BCAR3: variants seen among roughly 807,000 people sequenced by gnomAD.
The protein encoded by BCAR3 is breast cancer anti-estrogen resistance protein 3.
A neutral mutation model predicts 80.1 loss-of-function variants in BCAR3; 37 were observed. The observed-to-expected ratio is 0.46, with a 90% CI of 0.36 to 0.61. BCAR3 has a LOEUF of 0.61. BCAR3 is among the 20% of genes least tolerant of loss of function. The pLI, the probability that BCAR3 is intolerant of heterozygous loss-of-function variation, is 0.00. For synonymous variants in BCAR3, 389 were observed against 418.9 expected, an observed-to-expected ratio of 0.93 and a Z score of 0.87; for missense variants, 978 against 1,068.2, an observed-to-expected ratio of 0.92 and a Z score of 1.18.
intron 3 of BCAR3, chr1:93,613,890 G>A (rs1402229631): frequency 1.3e-6 from 2 of 1,550,586 alleles, no homozygotes; most frequent in African/African-American, 1.4e-5. Flanking sequence ...GCAGCACAGA[G>A]CTGCTGAGAG....
intron 3 of BCAR3, among the ~76,000 whole-genome samples, chr1:93,595,048 TAAGAG>T (rs893918956): frequency 1.3e-5 from 2 of 152,194 alleles, no homozygotes; most frequent in Non-Finnish European, 1.5e-5. Flanking sequence ...TCCTAATTCC[TAAGAG>T]AAGAACAGGA....
rs768510746 is a variant in BCAR3 at position 93,562,383 on chromosome 1, T to C, written c.2336A>G (p.Lys779Arg). Reference protein sequence around the residue: ...QPDEEMNEICKTEFQMRLLWG... With the variant: ...QPDEEMNEICRTEFQMRLLWG... ...TAGCAATCGCATTTGAAATTCAGTC[T>C]TGCAGATTTCATTCATTTCTTCATC... is the stretch of plus-strand genomic sequence containing the variant. Residue 779 changes from lysine (K) to arginine (R), a missense_variant, in exon 12 of 12, where the codon AAG (lysine) becomes AGG (arginine). Physicochemically the swap from Lys to Arg is conservative, Grantham distance 26. Coordinates refer to ENST00000260502, the MANE Select transcript of BCAR3 (RefSeq NM_003567.4). 12 of 1,614,070 alleles carry C rather than the reference T, an allele frequency of 7.4e-6. No homozygotes were observed. Among genetic ancestry groups the C allele is most frequent in the Non-Finnish European group, 5.1e-6 (6 of 1,179,976 alleles).
At chr1:93,638,547 G>A (rs904533001) in intron 3 of BCAR3, among the ~76,000 whole-genome samples, 6 of 151,992 alleles carry the variant, frequency 3.9e-5, no homozygotes, top group Non-Finnish European at 8.8e-5. Flanking sequence ...TTTGCCTAGG[G>A]TTATTGGCTC....
intron 2 of BCAR3, among the ~76,000 whole-genome samples, chr1:93,820,416 C>CT (rs1654170426): frequency 6.6e-6 from 1 of 152,218 alleles, no homozygotes; most frequent in African/African-American, 2.4e-5. Flanking sequence ...TCCTGTATTC[C>CT]TGACTGACCA....
At chr1:93,797,376 C>A (rs1278274754) in intron 2 of BCAR3, among the ~76,000 whole-genome samples, 1 of 152,128 alleles carries the variant, frequency 6.6e-6, no homozygotes, top group Non-Finnish European at 1.5e-5. Flanking sequence ...CTCAACTTGT[C>A]TTAATGTCCC....
chr1:93,607,331 T>C (rs1015811105), intron 3 of BCAR3, among the ~76,000 whole-genome samples: 1 of 152,056 alleles, frequency 6.6e-6, no homozygotes, highest in African/African-American at 2.4e-5. Flanking sequence ...GTTTTTAACA[T>C]GGGAAAGACC....
intron 2 of BCAR3, among the ~76,000 whole-genome samples, chr1:93,645,523 A>C (rs935754416): frequency 1.3e-5 from 2 of 151,252 alleles, no homozygotes; most frequent in African/African-American, 4.8e-5. Context: ...ATCTGCTGTT[A>C]CTTTTCCACT....
chr1:93,800,402 T>C (rs1653434990), intron 2 of BCAR3, among the ~76,000 whole-genome samples: 1 of 152,022 alleles, frequency 6.6e-6, no homozygotes. Flanking sequence ...GGTGAAACCC[T>C]GTCTCTATTA....
intron 3 of BCAR3, among the ~76,000 whole-genome samples, chr1:93,615,796 G>A (rs1173316286): frequency 1.3e-5 from 2 of 152,154 alleles, no homozygotes; most frequent in African/African-American, 2.4e-5. Context: ...CAGGCCATTA[G>A]CCACCACAGA....
chr1:93,825,947 G>C (rs1394882206), intron 2 of BCAR3, among the ~76,000 whole-genome samples: 1 of 152,168 alleles, frequency 6.6e-6, no homozygotes, highest in South Asian at 2.1e-4. Context: ...TTCTGGTTTG[G>C]AGCTAGATTC....
chr1:93,622,232 T>C (rs1216265525), intron 3 of BCAR3, among the ~76,000 whole-genome samples: 1 of 152,194 alleles, frequency 6.6e-6, no homozygotes, highest in Non-Finnish European at 1.5e-5. Flanking sequence ...ACTTTTACCA[T>C]GGTGTCCTAT....
upstream of BCAR3, among the ~76,000 whole-genome samples, chr1:93,683,513 G>A (rs1648872430): frequency 6.6e-6 from 1 of 152,134 alleles, no homozygotes; most frequent in African/African-American, 2.4e-5. Context: ...TGTTTATAAT[G>A]TATCTCTTTA....
intron 2 of BCAR3, among the ~76,000 whole-genome samples, chr1:93,819,159 C>A (rs1217597087): frequency 6.6e-6 from 1 of 151,796 alleles, no homozygotes; most frequent in East Asian, 1.9e-4. Context: ...CTCCGCCTCC[C>A]CGGTTCAAGC....
chr1:93,680,460 G>A (rs913592635), intron 1 of BCAR3, among the ~76,000 whole-genome samples: 1 of 152,076 alleles, frequency 6.6e-6, no homozygotes, highest in African/African-American at 2.4e-5. Context: ...CTTCCCACTT[G>A]GACCTGTGTT....
chr1:93,571,909 G>T (rs755246087), intron 8 of BCAR3, 68 bp from the exon 9 acceptor site: 1 of 1,522,500 alleles, frequency 6.6e-7, no homozygotes, highest in Non-Finnish European at 8.9e-7. Flanking sequence ...AACCAAATCA[G>T]CCAAGAGCAG....
chr1:93,712,058 CCTTCACT>C (rs1650044206), intron 2 of BCAR3, among the ~76,000 whole-genome samples: 1 of 152,180 alleles, frequency 6.6e-6, no homozygotes, highest in Non-Finnish European at 1.5e-5. Context: ...TGGGCAAGTT[CCTTCACT>C]CTGCTGAGCC....
chr1:93,796,721 ATATCCATT>A (rs886821935), intron 2 of BCAR3, among the ~76,000 whole-genome samples: 1 of 152,216 alleles, frequency 6.6e-6, no homozygotes, highest in African/African-American at 2.4e-5. Context: ...CCAAACAAAA[ATATCCATT>A]TCCTATATAT....
intron 3 of BCAR3, among the ~76,000 whole-genome samples, chr1:93,617,029 G>A (rs1024103331): frequency 5.3e-5 from 8 of 152,312 alleles, no homozygotes; most frequent in South Asian, 2.1e-4. Flanking sequence ...AAGGCAGGCC[G>A]GAGGAAGACC....
At chr1:93,828,331 C>A (rs1390605110) in intron 2 of BCAR3, among the ~76,000 whole-genome samples, 1 of 152,086 alleles carries the variant, frequency 6.6e-6, no homozygotes, top group Non-Finnish European at 1.5e-5. Flanking sequence ...ATTCCTCTTC[C>A]CCAAGGCAAG....
Sources: gnomAD v4.1 joint callset for allele counts (sites outside exome capture counted in the v4.1 genomes callset) on GRCh38, gnomAD v4.1.1 for gene constraint, MANE v1.5 for transcripts, NCBI Gene and HGNC (gene_info 2026-07-23, HGNC 2026-07-21) for gene names.